Variants in TEKT5 observed in about 807,000 individuals in gnomAD.
The protein encoded by TEKT5 is tektin 5.
In TEKT5, 52 loss-of-function variants were observed where a neutral mutation model predicts 48.7. The ratio of observed to expected loss-of-function variants is 1.07; its 90% CI spans 0.86 to 1.35. The LOEUF (loss-of-function observed/expected upper bound fraction) is 1.35, where lower values mean the gene tolerates loss of function less well. TEKT5 is among the 40% of genes most tolerant of loss of function. TEKT5 has a pLI of 0.00. For synonymous variants in TEKT5, 318 were observed against 267.6 expected (o/e 1.19, Z -1.84); for missense variants, 831 against 641.6 (o/e 1.30, Z -3.19).
chr16:10,633,891 T>A (rs1356993765), intron 6 of TEKT5, among the ~76,000 whole-genome samples: 1 of 152,100 alleles, frequency 6.6e-6, no homozygotes, highest in Non-Finnish European at 1.5e-5. Flanking sequence ...CATAACCTGC[T>A]TTTTCCATTT....
chr16:10,689,361 G>C (rs769468690), intron 2 of TEKT5, 38 bp from the exon 3 acceptor site: 10 of 1,536,632 alleles, frequency 6.5e-6, no homozygotes, highest in Non-Finnish European at 9.0e-6. Context: ...GTGCCTCTTA[G>C]AACCTCACAG....
At chr16:10,684,890 C>G (rs74486697) in intron 3 of TEKT5, among the ~76,000 whole-genome samples, 12,224 of 152,294 alleles carry the variant, frequency 0.08, 642 homozygotes, top group Non-Finnish European at 0.12. Context: ...CCCACCCTGC[C>G]CAGATGCGGG....
intron 4 of TEKT5, among the ~76,000 whole-genome samples, chr16:10,679,884 C>T (rs1163350311): frequency 1.9e-5 from 2 of 107,178 alleles, no homozygotes; most frequent in East Asian, 6.0e-4. Flanking sequence ...GCAACAAGAG[C>T]GAAACTCGGT....
chr16:10,639,992 T>C (rs1897967582), intron 5 of TEKT5, among the ~76,000 whole-genome samples: 1 of 144,756 alleles, frequency 6.9e-6, no homozygotes, highest in African/African-American at 2.5e-5. Flanking sequence ...TTCTTCTTTT[T>C]CTTCCTCCTC....
intron 5 of TEKT5, among the ~76,000 whole-genome samples, chr16:10,636,167 G>A (rs1486591573): frequency 6.6e-6 from 1 of 152,116 alleles, no homozygotes; most frequent in Non-Finnish European, 1.5e-5. Context: ...CTGAGGTCAG[G>A]GGTTCTAGAT....
intron 5 of TEKT5, among the ~76,000 whole-genome samples, chr16:10,656,156 A>T (rs1898257951): frequency 6.6e-6 from 1 of 152,194 alleles, no homozygotes; most frequent in South Asian, 2.1e-4. Flanking sequence ...AGTAGCACCC[A>T]CTTCCAGTGT....
chr16:10,659,281 G>A (rs535708666), intron 5 of TEKT5, among the ~76,000 whole-genome samples: 46 of 152,270 alleles, frequency 3.0e-4, no homozygotes, highest in Middle Eastern at 6.8e-3. Flanking sequence ...TGTACCTGAC[G>A]AATATGTACA....
At chr16:10,676,606 CACA>C (rs1481434016) in intron 4 of TEKT5, among the ~76,000 whole-genome samples, 3 of 152,192 alleles carry the variant, frequency 2.0e-5, no homozygotes, top group Non-Finnish European at 4.4e-5. Context: ...CCACCAGAAA[CACA>C]ACGTGGACAA....
Position 10,694,570 on chromosome 16 carries a change from C to T in TEKT5, c.304G>A (p.Val102Met). ...AGCCGGGAGGCCTCGGCCCCACGCA[C>T]CTGCAGCTGGTTGGACTGGTCCCAG... Reference protein sequence around the residue: ...HDWDQSNQLQVRGAEASRLWA... With the variant: ...HDWDQSNQLQMRGAEASRLWA... The change falls in exon 1 of 7, where the codon GTG becomes ATG. Residue 102 changes from valine to methionine, a missense_variant. By Grantham distance (21) the Val-to-Met change is conservative. Coordinates refer to ENST00000283025, the MANE Select transcript of TEKT5 (RefSeq NM_144674.2). The T allele has an allele frequency of 6.2e-7, 1 of 1,603,456 alleles. No homozygotes were observed. The highest frequency in any genetic ancestry group is 8.5e-7 in the Non-Finnish European group (1 of 1,174,638).
intron 5 of TEKT5, among the ~76,000 whole-genome samples, chr16:10,667,149 A>C (rs1452891939): frequency 1.3e-5 from 2 of 151,560 alleles, no homozygotes; most frequent in South Asian, 4.2e-4. Context: ...ATGCCCAGCT[A>C]ATTTTTATGT....
intron 5 of TEKT5, among the ~76,000 whole-genome samples, chr16:10,637,381 A>G (rs938341661): frequency 6.0e-5 from 9 of 151,090 alleles, no homozygotes; most frequent in Non-Finnish European, 1.3e-4. Context: ...CTTAATAACT[A>G]GATCAGTGAA....
At chr16:10,636,051 C>A in intron 5 of TEKT5, 133 bp from the exon 6 acceptor site, 3 of 1,378,972 alleles carry the variant, frequency 2.2e-6, no homozygotes, top group Admixed American at 2.2e-5. Flanking sequence ...CGGCCTTGAG[C>A]ACCTTTAGGG....
chr16:10,627,608 G>A lies in TEKT5; in HGVS notation c.1433C>T (p.Thr478Ile), dbSNP rs759806333. The A allele has an allele frequency of 7.4e-6, 12 of 1,614,084 alleles. No homozygotes were observed. In the East Asian group the frequency reaches 2.2e-4, roughly 30 times the overall value. The change falls in exon 7 of 7, where the codon ACC (threonine) becomes ATC (isoleucine). Residue 478 changes from threonine (T) to isoleucine (I), a missense_variant. Physicochemically the swap from Thr to Ile is moderately conservative, Grantham distance 89. Coordinates refer to ENST00000283025, the MANE Select transcript of TEKT5 (RefSeq NM_144674.2). ...TCAGGTGTGGCCCACCAGGCGCGGG[G>A]TGCAGGGGAAGGTCTTACGCATGCC... is the stretch of plus-strand genomic sequence containing the variant. The part of the protein sequence containing the change: ...CMGMRKTFPC[T>I]PRLVGHT
chr16:10,660,389 C>T (rs1331407616), intron 5 of TEKT5, among the ~76,000 whole-genome samples: 2 of 152,082 alleles, frequency 1.3e-5, no homozygotes, highest in African/African-American at 4.8e-5. Context: ...CCCACCCCCA[C>T]CTGCTGGCAG....
At chr16:10,684,971 T>C (rs1898835149) in intron 3 of TEKT5, among the ~76,000 whole-genome samples, 2 of 152,216 alleles carry the variant, frequency 1.3e-5, no homozygotes, top group Non-Finnish European at 2.9e-5. Flanking sequence ...GTGGCAGAGC[T>C]TCCCCAAGGG....
chr16:10,690,653 G>C (rs1440564224), intron 1 of TEKT5: 1 of 985,246 alleles, frequency 1.0e-6, no homozygotes, highest in Non-Finnish European at 1.2e-6. Context: ...GGACAGTTTG[G>C]GGAAGTGGTC....
intron 5 of TEKT5, among the ~76,000 whole-genome samples, chr16:10,640,478 A>G (rs1241343990): frequency 6.6e-6 from 1 of 151,834 alleles, no homozygotes; most frequent in Non-Finnish European, 1.5e-5. Flanking sequence ...GGCATAGTTG[A>G]TATACAATAA....
chr16:10,678,618 G>T (rs560304903), intron 4 of TEKT5, among the ~76,000 whole-genome samples: 13 of 152,230 alleles, frequency 8.5e-5, no homozygotes, highest in African/African-American at 2.4e-4. Flanking sequence ...CTTGTTCAAG[G>T]CCGCACAACA....
chr16:10,647,313 T>TA (rs977522833), intron 5 of TEKT5, among the ~76,000 whole-genome samples: 10 of 149,470 alleles, frequency 6.7e-5, no homozygotes, highest in East Asian at 2.0e-4. Context: ...ACAAAAAATT[T>TA]AAAAAAAAAT....
Sources: gnomAD v4.1 joint callset for allele counts (sites outside exome capture counted in the v4.1 genomes callset) on GRCh38, gnomAD v4.1.1 for gene constraint, MANE v1.5 for transcripts, NCBI Gene and HGNC (gene_info 2026-07-23, HGNC 2026-07-21) for gene names.